The following EMP1 variants were observed in gnomAD, a reference collection of about 807,000 sequenced individuals.
The protein encoded by EMP1 is tumor-associated membrane protein.
A neutral mutation model predicts 15.7 loss-of-function variants in EMP1; 5 were observed. That is an observed-to-expected ratio of 0.32 (90% CI 0.17 to 0.67). The LOEUF (loss-of-function observed/expected upper bound fraction) is 0.67. Ranked by LOEUF, EMP1 falls within the 30% of genes least tolerant of loss-of-function variation. The pLI is 0.74. For synonymous variants in EMP1, 78 were observed against 76.7 expected, an observed-to-expected ratio of 1.02 and a Z score of -0.09; for missense variants, 166 against 194.2, an observed-to-expected ratio of 0.85 and a Z score of 0.86.
chr12:13,211,690 A>G lies in EMP1; in HGVS notation c.78+102A>G. The G allele has an allele frequency of 1.6e-6, 2 of 1,284,978 alleles. No homozygotes were observed. The highest frequency in any genetic ancestry group is 2.3e-5 in the East Asian group (1 of 43,194). The allele number at this position is 1,284,978 out of a possible 1,614,324, so 79.6% of individuals were successfully genotyped here. On this transcript the variant is annotated intron_variant, in intron 2 of 4. Coordinates refer to ENST00000256951, the MANE Select transcript of EMP1 (RefSeq NM_001423.3). The surrounding 1 kb of genome is among the most constrained non-coding windows in gnomAD (Gnocchi z 4.7). ...AAGCCACAGCCCTTGCCCTTCATGA[A>G]CTTACAGCTCAGTTGTGGGAAAACA...
At chr12:13,201,830 C>G (rs1864068894) in intron 1 of EMP1, among the ~76,000 whole-genome samples, 1 of 152,176 alleles carries the variant, frequency 6.6e-6, no homozygotes, top group African/African-American at 2.4e-5. Context: ...TCACCAGGAA[C>G]AGAATCAGGC....
chr12:13,204,971 T>G (rs997998384), intron 1 of EMP1, among the ~76,000 whole-genome samples: 6 of 152,162 alleles, frequency 3.9e-5, no homozygotes. Context: ...GAAGAATTAG[T>G]CTAGTCAGGT....
chr12:13,203,368 G>C (rs1364307816), intron 1 of EMP1, among the ~76,000 whole-genome samples: 17 of 152,202 alleles, frequency 1.1e-4, no homozygotes, highest in Admixed American at 1.1e-3. Flanking sequence ...CAGTCTGGGG[G>C]AGTAGGCTGG....
rs1402539365 is a variant in EMP1, at chr12:13,217,375, T to G, written c.*2684T>G. 6.6e-6 allele frequency: 1 copy of G among 152,194 alleles called. No individual in the cohort carries two copies. The highest frequency in any genetic ancestry group is 1.5e-5 in the Non-Finnish European group (1 of 68,036). The allele number at this position is 152,194 out of a possible 1,614,324, so 9.4% of individuals were successfully genotyped here. A position where few individuals can be genotyped will look rare whatever the true frequency, so the allele number is the denominator to read the frequency against. On this transcript the variant is annotated 3_prime_UTR_variant, in exon 5 of 5. Coordinates refer to ENST00000256951, the MANE Select transcript of EMP1 (RefSeq NM_001423.3). ...TGAAGCAGGCAATCTTCCAGCCCCT[T>G]CTGGTCTTGGATGAAATAGTTGCAC...
At position 13,211,228 on chromosome 12, in the gene EMP1, T is replaced by A. The variant is rs926709909; in HGVS notation, c.-42-241T>A. On this transcript the variant is annotated intron_variant, in intron 1 of 4. Transcript: ENST00000256951. This position sits in a 1 kb window ranked among gnomAD's most constrained non-coding sequence, Gnocchi z 4.7. ...ATAGAATGTATTAGAGAAATGAATATGTAAATACCCAAGAAGAAACCAAAT... is the reference window on the plus strand; with the variant it reads ...ATAGAATGTATTAGAGAAATGAATAAGTAAATACCCAAGAAGAAACCAAAT... Among the ~76,000 whole-genome samples the A allele has an allele frequency of 6.6e-6, 1 of 152,348 alleles. No individual in the cohort carries two copies. Among genetic ancestry groups the A allele is most frequent in the Admixed American group, 6.5e-5 (1 of 15,304 alleles).
intron 1 of EMP1, among the ~76,000 whole-genome samples, chr12:13,210,696 C>T (rs550196344): frequency 6.6e-6 from 1 of 152,334 alleles, no homozygotes; most frequent in Admixed American, 6.5e-5. Context: ...TTAAAGCCCC[C>T]AGAACCATCA....
intron 1 of EMP1, among the ~76,000 whole-genome samples, chr12:13,207,197 C>T (rs555872265): frequency 1.3e-5 from 2 of 152,082 alleles, no homozygotes; most frequent in South Asian, 2.1e-4. Context: ...TTGCAACCTC[C>T]GCCTCCCTGG....
Position 13,212,003 on chromosome 12 carries a change from C to A in EMP1, c.78+415C>A, listed in dbSNP as rs184359351. On this transcript the variant is annotated intron_variant, in intron 2 of 4. Coordinates refer to ENST00000256951, the MANE Select transcript of EMP1 (RefSeq NM_001423.3). ...AGCAAAGGAGCATATGTAGGAAGGA[C>A]AAGCTTTGGTCAGAGGATAAGGAGG... The A allele has an allele frequency of 2.0e-4, 35 of 178,580 alleles. No individual in the cohort carries two copies. In the East Asian group the frequency reaches 4.4e-3, roughly 22 times the overall value. 11.1% of individuals were successfully genotyped at this position (178,580 alleles called of 1,614,324 possible). A position where few individuals can be genotyped will look rare whatever the true frequency, so the allele number is the denominator to read the frequency against.
chr12:13,213,387 A>C, intron 2 of EMP1, 92 bp from the exon 3 acceptor site: 2 of 1,172,142 alleles, frequency 1.7e-6, no homozygotes, highest in Non-Finnish European at 2.5e-6. Flanking sequence ...TGTCTTTATT[A>C]AAATCTGATC....
rs777069424 is a variant in EMP1, at chr12:13,216,438, G to A, written c.*1747G>A. 4.3e-6 allele frequency: 3 copies of A among 702,462 alleles called. No homozygotes were observed. The highest frequency in any genetic ancestry group is 3.0e-5 in the South Asian group (2 of 67,554). 43.5% of individuals were successfully genotyped at this position (702,462 alleles called of 1,614,324 possible). On this transcript the variant is annotated 3_prime_UTR_variant, in exon 5 of 5. Coordinates refer to ENST00000256951, the MANE Select transcript of EMP1 (RefSeq NM_001423.3). The stretch of plus-strand genomic sequence containing the variant: ...AGAGAGATTGGCCAGCAAAAACTGT[G>A]GGAAGATGAACTTTGTCATTATGAT...
chr12:13,204,251 T>C (rs1185258206), intron 1 of EMP1, among the ~76,000 whole-genome samples: 2 of 151,968 alleles, frequency 1.3e-5, no homozygotes, highest in African/African-American at 2.4e-5. Flanking sequence ...CACGGAGAAA[T>C]TAATCCCCTG....
intron 1 of EMP1, among the ~76,000 whole-genome samples, chr12:13,207,023 G>A (rs1453751279): frequency 1.3e-5 from 2 of 151,736 alleles, no homozygotes; most frequent in South Asian, 2.1e-4. Context: ...TAACTTGAGA[G>A]GTTTGGTTAT....
intron 2 of EMP1, among the ~76,000 whole-genome samples, chr12:13,212,167 A>G (rs1016295705): frequency 2.6e-5 from 4 of 152,200 alleles, no homozygotes; most frequent in African/African-American, 9.6e-5. Context: ...GGAGTTTTGC[A>G]AGATTAACCC....
At chr12:13,208,268 G>T (rs1864131707) in intron 1 of EMP1, among the ~76,000 whole-genome samples, 1 of 152,186 alleles carries the variant, frequency 6.6e-6, no homozygotes, top group African/African-American at 2.4e-5. Flanking sequence ...ATGGGTGGGT[G>T]GAAGTTTCAG....
intron 1 of EMP1, among the ~76,000 whole-genome samples, chr12:13,203,932 C>T (rs982089945): frequency 5.3e-5 from 8 of 152,160 alleles, no homozygotes; most frequent in Non-Finnish European, 7.4e-5. Flanking sequence ...CACCTTGGCT[C>T]CTCACCCCTG....
intron 1 of EMP1, among the ~76,000 whole-genome samples, chr12:13,203,792 C>A (rs1864086823): frequency 6.6e-6 from 1 of 152,228 alleles, no homozygotes; most frequent in African/African-American, 2.4e-5. Flanking sequence ...CCTGTAGGAG[C>A]CACTGACCAG....
intron 1 of EMP1, among the ~76,000 whole-genome samples, chr12:13,198,255 T>C (rs1864031692): frequency 6.6e-6 from 1 of 152,240 alleles, no homozygotes; most frequent in South Asian, 2.1e-4. Context: ...GGGTGCTTTT[T>C]CTTTTTTTTC....
At chr12:13,203,096 G>A (rs1004093481) in intron 1 of EMP1, among the ~76,000 whole-genome samples, 1 of 152,138 alleles carries the variant, frequency 6.6e-6, no homozygotes, top group Non-Finnish European at 1.5e-5. Flanking sequence ...TAGGCGAGGG[G>A]CCTCCCCTCC....
rs1864219247 is a variant in EMP1, at chr12:13,216,709, T to C, written c.*2018T>C. The C allele has an allele frequency of 2.5e-6, 1 of 400,178 alleles. No individual in the cohort carries two copies. Among genetic ancestry groups the C allele is most frequent in the African/African-American group, 2.1e-5 (1 of 47,966 alleles). 24.8% of individuals were successfully genotyped at this position (400,178 alleles called of 1,614,324 possible). A position where few individuals can be genotyped will look rare whatever the true frequency, so the allele number is the denominator to read the frequency against. On this transcript the variant is annotated 3_prime_UTR_variant, in exon 5 of 5. Coordinates refer to ENST00000256951, the MANE Select transcript of EMP1 (RefSeq NM_001423.3). Reference sequence around the variant, plus strand: ...TAATAGATTATTTCATATACTATAATTGTAAATATTTTGATACAAATGTTT... The same window carrying C: ...TAATAGATTATTTCATATACTATAACTGTAAATATTTTGATACAAATGTTT...
Sources: allele counts gnomAD v4.1 joint callset (sites outside exome capture counted in the v4.1 genomes callset), GRCh38; gene constraint gnomAD v4.1.1; non-coding constraint Gnocchi (gnomAD v3.1); transcripts MANE v1.5; gene names NCBI Gene and HGNC (gene_info 2026-07-23, HGNC 2026-07-21).